DMD: variants seen among roughly 807,000 people sequenced by gnomAD.
DMD encodes the protein dystrophin, also known as mutant dystrophin.
DMD carries 63 observed loss-of-function variants against 330.1 expected under a neutral mutation model. The observed-to-expected ratio is 0.19, with a 90% CI of 0.16 to 0.24. DMD has a LOEUF of 0.24. DMD is among the 10% of genes least tolerant of loss of function. DMD has a pLI of 1.00. For missense variants in DMD, 3,344 were observed against 2,684.1 expected (o/e 1.25, Z -5.43); for synonymous variants, 1,223 against 959.8 (o/e 1.27, Z -5.07).
At chrX:32,601,222 A>C (rs868318737) in intron 12 of DMD, among the ~76,000 whole-genome samples, 3 of 111,624 alleles carry the variant, frequency 2.7e-5, no homozygotes, top group African/African-American at 9.7e-5. Flanking sequence ...CTAGCTTTCC[A>C]TGAAGATCTA....
At chrX:32,852,765 T>G (rs1411941180) in intron 2 of DMD, among the ~76,000 whole-genome samples, 1 of 111,290 alleles carries the variant, frequency 9.0e-6, no homozygotes, top group Non-Finnish European at 1.9e-5. Context: ...GTACTCACCA[T>G]GAGCCTGAGG....
rs145464313 is a variant in DMD, at chrX:31,374,840, A to G, written c.9085-26206T>C. ...AGTATAATAAAATAAATAAATAAAT[A>G]AATAAAATGTATTTACTCTTTCAGC... On this transcript the variant is annotated intron_variant, in intron 60 of 78. Transcript: ENST00000357033. Among the ~76,000 whole-genome samples, 250 of 111,182 alleles carry G rather than the reference A, an allele frequency of 2.2e-3. 1 individual carries two copies. The highest frequency in any genetic ancestry group is 7.8e-3 in the African/African-American group (238 of 30,551).
intron 76 of DMD, among the ~76,000 whole-genome samples, chrX:31,136,004 T>G (rs991667440): frequency 2.7e-4 from 30 of 111,141 alleles, no homozygotes; most frequent in Admixed American, 2.3e-3. Context: ...TTCCTTTTTT[T>G]TTTTTTAACA....
intron 9 of DMD, among the ~76,000 whole-genome samples, chrX:32,652,362 C>A (rs1340973552): frequency 1.0e-5 from 1 of 99,935 alleles, no homozygotes; most frequent in Non-Finnish European, 2.0e-5. Context: ...GTTCAATTCC[C>A]ACCCATGAGT....
chrX:31,741,651 T>A (rs1255307550), intron 51 of DMD, among the ~76,000 whole-genome samples: 1 of 109,759 alleles, frequency 9.1e-6, no homozygotes, highest in Non-Finnish European at 1.9e-5. Flanking sequence ...CTAGTCTTTG[T>A]TGTTTGATTT....
chrX:33,190,903 AATATATAATAT>A lies in DMD; in HGVS notation c.31+20368_31+20378del, dbSNP rs2050537515. Among the ~76,000 whole-genome samples the A allele has an allele frequency of 5.1e-3, 3 of 593 alleles. 1 individual carries two copies. The highest frequency in any genetic ancestry group is 0.071 in the Admixed American group (2 of 28). 0.5% of individuals were successfully genotyped at this position (593 alleles called of 115,157 possible). A position where few individuals can be genotyped will look rare whatever the true frequency, so the allele number is the denominator to read the frequency against. ...TAATATATAATATTATATATTATAT[AATATATAATAT>A]TATATATATAATATTATATATATAT... On this transcript the variant is annotated intron_variant, in intron 1 of 78. Coordinates refer to ENST00000357033, the MANE Select transcript of DMD (RefSeq NM_004006.3).
intron 1 of DMD, among the ~76,000 whole-genome samples, chrX:33,024,998 T>C (rs748571755): frequency 8.9e-6 from 1 of 112,226 alleles, no homozygotes; most frequent in Non-Finnish European, 1.9e-5. Flanking sequence ...TTACTGAAAA[T>C]ATAAACAAGA....
At chrX:32,268,401 A>G (rs147568648) in intron 43 of DMD, among the ~76,000 whole-genome samples, 11,864 of 111,607 alleles carry the variant, frequency 0.11, 803 homozygotes, top group African/African-American at 0.25. Flanking sequence ...GAGTTGAAAT[A>G]TAAACACCTC....
At chrX:32,686,657 T>C (rs1341594724) in intron 9 of DMD, among the ~76,000 whole-genome samples, 1 of 109,908 alleles carries the variant, frequency 9.1e-6, no homozygotes, top group East Asian at 2.8e-4. Flanking sequence ...TTAATTATGA[T>C]GTTACAACAC....
rs1202621290 is a variant in DMD at position 33,064,672 on chromosome X, T to C, written c.32-44472A>G. On this transcript the variant is annotated intron_variant, in intron 1 of 78. Coordinates refer to ENST00000357033, the MANE Select transcript of DMD (RefSeq NM_004006.3). ...GGGAGGCTGAGGTGGGTGGATCACCTGAAGTCAGGAGTTCAAGACCAGTCT... is the reference window on the plus strand; with the variant it reads ...GGGAGGCTGAGGTGGGTGGATCACCCGAAGTCAGGAGTTCAAGACCAGTCT... 5.4e-5 allele frequency among the ~76,000 whole-genome samples: 6 copies of C among 111,551 alleles called. No homozygotes were observed. The East Asian group carries it at 1.7e-3, about 32-fold the overall frequency.
intron 76 of DMD, among the ~76,000 whole-genome samples, chrX:31,141,201 A>AAACAACAACAACAACAAC (rs34805586): frequency 1.6e-3 from 171 of 105,917 alleles, no homozygotes; most frequent in African/African-American, 6.0e-3. Flanking sequence ...CACACAAAAG[A>AAACAACAACAACAACAAC]AACAACAACA....
intron 1 of DMD, among the ~76,000 whole-genome samples, chrX:33,321,864 G>C (rs2054020479): frequency 8.9e-6 from 1 of 111,939 alleles, no homozygotes; most frequent in Non-Finnish European, 1.9e-5. Flanking sequence ...GCCTCACCTT[G>C]CACTTTTATG....
intron 1 of DMD, among the ~76,000 whole-genome samples, chrX:33,191,005 T>TTA (rs3990973): frequency 1.1e-3 from 1 of 910 alleles, no homozygotes; most frequent in Non-Finnish European, 3.3e-3. Context: ...ATATATAATA[T>TTA]TATATATATA....
intron 7 of DMD, among the ~76,000 whole-genome samples, chrX:32,723,336 G>T (rs1200423895): frequency 9.0e-6 from 1 of 110,780 alleles, no homozygotes; most frequent in African/African-American, 3.3e-5. Flanking sequence ...CTTTATTGAG[G>T]ACTTTCACAT....
At chrX:32,380,938 C>G (rs2147477250) in intron 33 of DMD, among the ~76,000 whole-genome samples, 1 of 110,245 alleles carries the variant, frequency 9.1e-6, no homozygotes, top group South Asian at 3.8e-4. Context: ...ACGAATTTTT[C>G]TCTAAGATAA....
chrX:31,909,708 T>C (rs1353751768), intron 47 of DMD, among the ~76,000 whole-genome samples: 4 of 111,947 alleles, frequency 3.6e-5, no homozygotes, highest in South Asian at 3.7e-4. Context: ...TGAAGATTCA[T>C]GCATTTTTAA....
At chrX:32,761,029 C>T (rs1005752416) in intron 7 of DMD, among the ~76,000 whole-genome samples, 1 of 111,602 alleles carries the variant, frequency 9.0e-6, no homozygotes, top group Non-Finnish European at 1.9e-5. Flanking sequence ...CATTATTTCT[C>T]TCTCTCTCTC....
rs762551308 is a variant in DMD, at chrX:32,411,857, T to C, written c.4128A>G (p.Glu1376=). Residue 1376 remains glutamate (E), a synonymous_variant, in exon 30 of 79, where the codon GAA becomes GAG. Transcript: ENST00000357033. ...EQSIQSAQET[E]KSLHLIQESL... ...ACTCCTGGATTAAGTGTAAGGATTT[T>C]TCAGTCTCCTGGGCAGACTGGATGC... 2 of 1,211,164 alleles carry C rather than the reference T, an allele frequency of 1.7e-6. No individual in the cohort carries two copies. The highest frequency in any genetic ancestry group is 4.4e-5 in the Admixed American group (2 of 45,955).
At chrX:31,809,066 G>A (rs1168556261) in intron 50 of DMD, among the ~76,000 whole-genome samples, 2 of 107,128 alleles carry the variant, frequency 1.9e-5, no homozygotes, top group Non-Finnish European at 3.8e-5. Context: ...TGGCTAGTTT[G>A]TTTTATTTCA....
Sources: gnomAD v4.1 joint callset for allele counts (sites outside exome capture counted in the v4.1 genomes callset) on GRCh38, gnomAD v4.1.1 for gene constraint, MANE v1.5 for transcripts, NCBI Gene and HGNC (gene_info 2026-07-23, HGNC 2026-07-21) for gene names.